Variants in ORMDL1 observed in about 807,000 individuals in gnomAD.
The protein encoded by ORMDL1 is ORMDL sphingolipid biosynthesis regulator 1, also known as ORM1-like protein 1.
Under a neutral mutation model 13.0 loss-of-function variants are expected in ORMDL1, and 10 were observed. That is an observed-to-expected ratio of 0.77 (90% confidence interval 0.47 to 1.30). The LOEUF (loss-of-function observed/expected upper bound fraction) is 1.30, where lower values mean the gene tolerates loss of function less well. Among genes scored for constraint, ORMDL1 ranks in the 50% most tolerant of loss-of-function variants. The pLI is 0.00. For missense variants in ORMDL1, 171 were observed against 186.7 expected (o/e 0.92, Z 0.49); for synonymous variants, 61 against 63.9 (o/e 0.95, Z 0.22).
rs1349274352 is a variant in ORMDL1 at position 189,770,817 on chromosome 2, C to T, written c.*950G>A. 1 of 150,940 alleles carries T rather than the reference C, an allele frequency of 6.6e-6. No homozygotes were observed. The highest frequency in any genetic ancestry group is 1.5e-5 in the Non-Finnish European group (1 of 67,662). 9.4% of individuals were successfully genotyped at this position (150,940 alleles called of 1,614,324 possible). On this transcript the variant is annotated 3_prime_UTR_variant, in exon 5 of 5. Coordinates refer to ENST00000392349, the MANE Select transcript of ORMDL1 (RefSeq NM_016467.5). ...ATGTTATCTTTTACTGCAGACCTGC[C>T]AAAAAAAAGACTCCATTACTTACTT...
chr2:189,769,250 G>A (rs536100120), downstream of ORMDL1, among the ~76,000 whole-genome samples: 11 of 152,218 alleles, frequency 7.2e-5, no homozygotes, highest in South Asian at 2.3e-3. Flanking sequence ...AGCTGGGCAT[G>A]GTGGTGCACG....
chr2:189,772,362 C>G (rs2047597829), intron 4 of ORMDL1, among the ~76,000 whole-genome samples: 1 of 152,182 alleles, frequency 6.6e-6, no homozygotes, highest in African/African-American at 2.4e-5. Context: ...CAATTCCTAT[C>G]TTTGAAGGAA....
intron 4 of ORMDL1, among the ~76,000 whole-genome samples, chr2:189,772,802 A>G (rs572938397): frequency 2.0e-5 from 3 of 152,328 alleles, no homozygotes; most frequent in East Asian, 1.9e-4. Context: ...GGGAAAATAA[A>G]TATCTTGTGT....
chr2:189,765,407 T>C (rs1225120), downstream of ORMDL1: 149,451 of 152,304 alleles, frequency 0.98, 73,387 homozygotes, highest in South Asian at 1. Flanking sequence ...TATGCCAGCC[T>C]GGCAGGCCCA....
downstream of ORMDL1, among the ~76,000 whole-genome samples, chr2:189,767,808 T>C (rs117143443): frequency 0.038 from 5,738 of 152,302 alleles, 155 homozygotes; most frequent in African/African-American, 0.067. Flanking sequence ...TAAATTACAG[T>C]GCTACACTGA....
intron 4 of ORMDL1, chr2:189,773,860 A>G (rs2047634866): frequency 6.6e-6 from 1 of 152,214 alleles, no homozygotes; most frequent in Admixed American, 6.5e-5. Flanking sequence ...TAAGTAAGCA[A>G]TTTAATCAGA....
chr2:189,783,511 C>T (rs1242198507), intron 1 of ORMDL1: 2 of 152,158 alleles, frequency 1.3e-5, no homozygotes, highest in African/African-American at 4.8e-5. Flanking sequence ...AGAGGAATTT[C>T]TCATAACCCC....
chr2:189,769,643 A>G (rs2047538749), downstream of ORMDL1, among the ~76,000 whole-genome samples: 1 of 152,196 alleles, frequency 6.6e-6, no homozygotes. Context: ...GGACAATTTG[A>G]GCAACAAATC....
chr2:189,783,932 G>A (rs1053538162), intron 1 of ORMDL1, among the ~76,000 whole-genome samples: 1 of 152,134 alleles, frequency 6.6e-6, no homozygotes, highest in Admixed American at 6.5e-5. Flanking sequence ...ACGGCGACCC[G>A]CAGCGGCCCC....
At chr2:189,767,552 A>G (rs1023753056), downstream of ORMDL1, among the ~76,000 whole-genome samples, 15 of 152,212 alleles carry the variant, frequency 9.9e-5, no homozygotes, top group Non-Finnish European at 2.1e-4. Context: ...TACACTGTAA[A>G]ATTCCTTTCA....
At chr2:189,776,143 A>C (rs1165506589) in intron 3 of ORMDL1, among the ~76,000 whole-genome samples, 3 of 152,204 alleles carry the variant, frequency 2.0e-5, no homozygotes, top group African/African-American at 7.2e-5. Context: ...AAGTGGTAGA[A>C]AACAATAAAA....
In ORMDL1 at chr2:189,771,912, T is replaced by G. The variant is rs748060846; in HGVS notation, c.327-10A>C. The G allele has an allele frequency of 2.2e-5, 35 of 1,558,590 alleles. No individual in the cohort carries two copies. The South Asian group carries it at 3.8e-4, about 17-fold the overall frequency. On this transcript the variant is annotated splice_polypyrimidine_tract_variant and intron_variant, in intron 4 of 4. Coordinates refer to ENST00000392349, the MANE Select transcript of ORMDL1 (RefSeq NM_016467.5). ...ACTTGCCAGAAAATATCTGTAGAGA[T>G]AAAAGTTAAGAATATATATAACATC...
At chr2:189,763,987 T>C in the ORMDL1 span, 1 of 152,194 alleles carries the variant, frequency 6.6e-6, no homozygotes, top group Non-Finnish European at 1.5e-5. Context: ...TCCCATGAAA[T>C]AGTTTCTGTC....
At chr2:189,772,512 T>C (rs2047601125) in intron 4 of ORMDL1, among the ~76,000 whole-genome samples, 1 of 152,210 alleles carries the variant, frequency 6.6e-6, no homozygotes, top group Admixed American at 6.5e-5. Flanking sequence ...TGTATGTTTT[T>C]GGATATCCAA....
At chr2:189,781,838 T>G (rs748587052) in intron 3 of ORMDL1, among the ~76,000 whole-genome samples, 5 of 152,216 alleles carry the variant, frequency 3.3e-5, no homozygotes. Flanking sequence ...GTGAATTATA[T>G]CTCAAAAAAG....
chr2:189,767,081 C>G (rs1047689035), downstream of ORMDL1, among the ~76,000 whole-genome samples: 1 of 152,200 alleles, frequency 6.6e-6, no homozygotes, highest in African/African-American at 2.4e-5. Flanking sequence ...TACAAATTAT[C>G]TGTCCAAGTT....
intron 3 of ORMDL1, among the ~76,000 whole-genome samples, chr2:189,776,063 T>G (rs1381424266): frequency 6.6e-6 from 1 of 152,158 alleles, no homozygotes. Context: ...TTTTCCCCAA[T>G]GTACAGGAGG....
chr2:189,771,817 T>G lies in ORMDL1; in HGVS notation c.412A>C (p.Lys138Gln). 1 of 1,612,386 alleles carries G rather than the reference T, an allele frequency of 6.2e-7. No homozygotes were observed. The highest frequency in any genetic ancestry group is 8.5e-7 in the Non-Finnish European group (1 of 1,179,108). The change falls in exon 5 of 5, where the codon AAA (lysine) becomes CAA (glutamine). Residue 138 changes from lysine to glutamine, a missense_variant. Lys to Gln is a moderately conservative substitution (Grantham distance 53). Transcript: ENST00000392349. ...TASLLSVLIP[K>Q]MPQLHGVRIF... is the part of the protein sequence containing the mutation. Reference sequence around the variant, plus strand: ...CGAACACCATGTAGTTGTGGCATTTTGGGAATTAGTACACTCAGGAGAGAA... The same window carrying G: ...CGAACACCATGTAGTTGTGGCATTTGGGGAATTAGTACACTCAGGAGAGAA...
At chr2:189,768,653 G>T (rs1046012812), downstream of ORMDL1, among the ~76,000 whole-genome samples, 3 of 152,112 alleles carry the variant, frequency 2.0e-5, no homozygotes, top group Non-Finnish European at 1.5e-5. Flanking sequence ...GACATAAAGT[G>T]AATCAGTGAT....
Sources: allele counts gnomAD v4.1 joint callset (sites outside exome capture counted in the v4.1 genomes callset), GRCh38; gene constraint gnomAD v4.1.1; transcripts MANE v1.5; gene names NCBI Gene and HGNC (gene_info 2026-07-23, HGNC 2026-07-21).